The following LARGE1 variants were observed in gnomAD, a reference collection of about 807,000 sequenced individuals.
The protein encoded by LARGE1 is xylosyl- and glucuronyltransferase LARGE1.
A neutral mutation model predicts 87.6 loss-of-function variants in LARGE1; 43 were observed. That is an observed-to-expected ratio of 0.49 (90% CI 0.38 to 0.63). The LOEUF (loss-of-function observed/expected upper bound fraction) is 0.63. Ranked by LOEUF, LARGE1 falls within the 30% of genes least tolerant of loss-of-function variation. LARGE1 has a pLI of 0.00. For missense variants in LARGE1, 802 were observed against 1,000.2 expected (o/e 0.80, Z 2.67); for synonymous variants, 434 against 394.6 (o/e 1.10, Z -1.18).
chr22:33,477,094 C>T (rs1602026422), intron 6 of LARGE1, among the ~76,000 whole-genome samples: 1 of 152,196 alleles, frequency 6.6e-6, no homozygotes, highest in African/African-American at 2.4e-5. Flanking sequence ...CGGCTCACCG[C>T]TAAGTTTTCA....
intron 11 of LARGE1, among the ~76,000 whole-genome samples, chr22:33,308,214 A>G (rs1346823019): frequency 1.3e-5 from 2 of 152,138 alleles, no homozygotes; most frequent in African/African-American, 4.8e-5. Context: ...GCTGGAAGGA[A>G]TTCTAGAGTC....
At chr22:33,845,998 T>C (rs1422539909) in intron 1 of LARGE1, among the ~76,000 whole-genome samples, 1 of 152,230 alleles carries the variant, frequency 6.6e-6, no homozygotes, top group African/African-American at 2.4e-5. Context: ...CCCTTTACAA[T>C]TTCCTTGGTG....
intron 1 of LARGE1, among the ~76,000 whole-genome samples, chr22:33,854,176 A>AC (rs1180798909): frequency 3.4e-5 from 5 of 148,736 alleles, no homozygotes; most frequent in Middle Eastern, 3.5e-3. Flanking sequence ...TCACAAACTC[A>AC]GAGCTGATCA....
chr22:33,287,890 G>T (rs543152790), intron 12 of LARGE1, among the ~76,000 whole-genome samples: 36 of 152,340 alleles, frequency 2.4e-4, no homozygotes, highest in African/African-American at 8.7e-4. Context: ...GTCAGGTGTA[G>T]TGGTCATTAG....
chr22:33,244,200 T>G (rs1266110624), intron 11 of LARGE1, among the ~76,000 whole-genome samples: 1 of 152,002 alleles, frequency 6.6e-6, no homozygotes, highest in Non-Finnish European at 1.5e-5. Flanking sequence ...CTTCACCATG[T>G]TAACCAGGAT....
At chr22:33,872,410 T>C (rs2064322667) in intron 1 of LARGE1, among the ~76,000 whole-genome samples, 1 of 149,972 alleles carries the variant, frequency 6.7e-6, no homozygotes, top group South Asian at 2.1e-4. Context: ...ACTAGCACGA[T>C]CTTTGCCATT....
intron 1 of LARGE1, among the ~76,000 whole-genome samples, chr22:33,826,636 G>A (rs1005033183): frequency 2.0e-5 from 3 of 151,976 alleles, no homozygotes; most frequent in African/African-American, 4.8e-5. Context: ...CCATCAACCC[G>A]GCCTTGCCTC....
At chr22:33,898,570 C>T (rs979795953) in intron 1 of LARGE1, among the ~76,000 whole-genome samples, 13 of 152,214 alleles carry the variant, frequency 8.5e-5, no homozygotes, top group African/African-American at 2.4e-4. Flanking sequence ...GCCTGGCCAA[C>T]ATGGGGAAAC....
intron 10 of LARGE1, among the ~76,000 whole-genome samples, chr22:33,330,722 C>G (rs74699911): frequency 0.013 from 1,928 of 152,264 alleles, 48 homozygotes; most frequent in African/African-American, 0.043. Context: ...ACTGGGGGAG[C>G]CTGTTCTCTT....
intron 2 of LARGE1, among the ~76,000 whole-genome samples, chr22:33,748,934 A>G (rs1205992678): frequency 6.6e-6 from 1 of 152,192 alleles, no homozygotes; most frequent in Non-Finnish European, 1.5e-5. Flanking sequence ...TCAGTTCCTC[A>G]GTTGTAAAAC....
At chr22:33,445,297 C>T (rs1339199321) in intron 6 of LARGE1, among the ~76,000 whole-genome samples, 1 of 152,168 alleles carries the variant, frequency 6.6e-6, no homozygotes, top group Non-Finnish European at 1.5e-5. Context: ...CTGAATTCAG[C>T]TGATAAAACA....
intron 9 of LARGE1, among the ~76,000 whole-genome samples, chr22:33,340,883 A>G (rs58959950): frequency 0.095 from 14,370 of 151,804 alleles, 1,778 homozygotes; most frequent in African/African-American, 0.26. Context: ...CCAAGCCCAC[A>G]TTCTTTCCTA....
chr22:33,255,568 T>A (rs563988117), intron 11 of LARGE1, among the ~76,000 whole-genome samples: 1 of 152,216 alleles, frequency 6.6e-6, no homozygotes, highest in Non-Finnish European at 1.5e-5. Context: ...CCATTCAATA[T>A]TCTCGTATAT....
At position 33,218,540 on chromosome 22, in the gene LARGE1, G is replaced by A. The variant is rs139027759; in HGVS notation, c.1731-51708C>T. On this transcript the variant is annotated intron_variant, in intron 11 of 11. Coordinates refer to the LARGE1 transcript ENST00000608642. The stretch of plus-strand genomic sequence containing the variant: ...ATAACACTCTAGCTTCTCCTTTTTC[G>A]TGGTACTCACATCTGACTACCTTGT... Among the ~76,000 whole-genome samples the A allele has an allele frequency of 4.3e-4, 65 of 151,982 alleles. No individual in the cohort carries two copies. The East Asian group carries it at 0.012, about 27-fold the overall frequency.
At chr22:33,200,948 T>G (rs1415715446) in intron 11 of LARGE1, among the ~76,000 whole-genome samples, 1 of 152,130 alleles carries the variant, frequency 6.6e-6, no homozygotes. Context: ...ATCAAAGAGG[T>G]GATTTTTCTG....
At position 33,192,985 on chromosome 22, in the gene LARGE1, C is replaced by T. The variant is rs5998799; in HGVS notation, c.1731-26153G>A. On this transcript the variant is annotated intron_variant, in intron 11 of 11. Transcript: ENST00000608642. ...GAAGATCAATTAACTAATAAATTAA[C>T]ATTTTGAAGTTGCATTTTAATTTTT... Among the ~76,000 whole-genome samples, 29 of 146,570 alleles carry T rather than the reference C, an allele frequency of 2.0e-4. 1 individual carries two copies. The highest frequency in any genetic ancestry group is 7.4e-4 in the African/African-American group (29 of 38,980).
the LARGE1 span, among the ~76,000 whole-genome samples, chr22:33,067,830 A>T: frequency 6.6e-6 from 1 of 152,102 alleles, no homozygotes; most frequent in Non-Finnish European, 1.5e-5. Context: ...AATACAAAAA[A>T]TTAGCCAGGC....
chr22:33,609,783 T>A (rs939371732), intron 4 of LARGE1, among the ~76,000 whole-genome samples: 10 of 152,100 alleles, frequency 6.6e-5, no homozygotes, highest in Admixed American at 6.5e-4. Context: ...TGGGGGCGGA[T>A]CCCTCATGGC....
chr22:33,533,545 T>C (rs181607503), intron 6 of LARGE1, among the ~76,000 whole-genome samples: 1 of 152,312 alleles, frequency 6.6e-6, no homozygotes, highest in East Asian at 1.9e-4. Flanking sequence ...CCTTAGTTGT[T>C]TAATCCAACA....
Sources: gnomAD v4.1 joint callset for allele counts (sites outside exome capture counted in the v4.1 genomes callset) on GRCh38, gnomAD v4.1.1 for gene constraint, MANE v1.5 for transcripts, NCBI Gene and HGNC (gene_info 2026-07-23, HGNC 2026-07-21) for gene names.